The following ERAL1 variants were observed in gnomAD, a reference collection of about 807,000 sequenced individuals.
ERAL1 encodes GTPase Era, mitochondrial.
A neutral mutation model predicts 53.6 loss-of-function variants in ERAL1; 36 were observed. The observed-to-expected ratio is 0.67, with a 90% CI of 0.51 to 0.89. The LOEUF (loss-of-function observed/expected upper bound fraction) is 0.89, where lower values mean the gene tolerates loss of function less well. Among genes scored for constraint, ERAL1 ranks in the 40% least tolerant of loss-of-function variants. ERAL1 has a pLI of 0.00. For missense variants in ERAL1, 512 were observed against 537.5 expected, an observed-to-expected ratio of 0.95 and a Z score of 0.47; for synonymous variants, 215 against 211.8, an observed-to-expected ratio of 1.02 and a Z score of -0.13.
At chr17:28,857,826 T>C (rs771463120) in intron 3 of ERAL1, 113 bp from the exon 4 acceptor site, 2 of 1,180,296 alleles carry the variant, frequency 1.7e-6, no homozygotes, top group Non-Finnish European at 2.5e-6. Flanking sequence ...AAGTCAATAA[T>C]AGTTTGACTG....
At chr17:28,856,719 T>C (rs750504783) in intron 3 of ERAL1, 137 bp downstream of exon 3, 6 of 782,734 alleles carry the variant, frequency 7.7e-6, no homozygotes, top group Non-Finnish European at 1.0e-5. Context: ...TTTTTCTTTT[T>C]TTTTTTTTTT....
At chr17:28,859,788 C>T (rs1327725842) in intron 9 of ERAL1, among the ~76,000 whole-genome samples, 4 of 151,996 alleles carry the variant, frequency 2.6e-5, no homozygotes, top group Non-Finnish European at 4.4e-5. Context: ...TGTCCGCCCA[C>T]CTCAGCCTCC....
Position 28,859,191 on chromosome 17 carries a change from C to T in ERAL1, c.1111-12C>T. ...GGTGTATGACTGACTAATCATTTGT[C>T]TCCCTGTACAGAAGACAGCAGTGTG... On this transcript the variant is annotated splice_polypyrimidine_tract_variant and intron_variant, in intron 8 of 9. Transcript: ENST00000254928. 1.2e-6 allele frequency: 2 copies of T among 1,614,122 alleles called. No individual in the cohort carries two copies. Among genetic ancestry groups the T allele is most frequent in the Non-Finnish European group, 1.7e-6 (2 of 1,180,006 alleles).
At chr17:28,858,079 C>T (rs922422018) in intron 4 of ERAL1, 67 bp from the exon 5 acceptor site, 1 of 1,612,050 alleles carries the variant, frequency 6.2e-7, no homozygotes, top group Non-Finnish European at 8.5e-7. Flanking sequence ...CTTTACCATA[C>T]CACATCCCTC....
Position 28,859,131 on chromosome 17 carries a change from C to T in ERAL1, c.1110+18C>T. On this transcript the variant is annotated intron_variant, in intron 8 of 9. Transcript: ENST00000254928. ...TACAGCAGGTACAGAGTGAAGGGTTCTGGGGGCTCTCTATCAGACACACAC... is the reference window on the plus strand; with the variant it reads ...TACAGCAGGTACAGAGTGAAGGGTTTTGGGGGCTCTCTATCAGACACACAC... The T allele has an allele frequency of 9.3e-6, 15 of 1,614,132 alleles. No individual in the cohort carries two copies. Among genetic ancestry groups the T allele is most frequent in the Non-Finnish European group, 1.2e-5 (14 of 1,180,016 alleles).
intron 1 of ERAL1, 138 bp from the exon 2 acceptor site, chr17:28,856,126 C>T: frequency 1.1e-6 from 1 of 928,238 alleles, no homozygotes; most frequent in Non-Finnish European, 1.6e-6. Context: ...GGGCCAAAGT[C>T]TCAAAGTCAG....
intron 1 of ERAL1, 118 bp from the exon 2 acceptor site, chr17:28,856,146 A>C: frequency 1.7e-6 from 2 of 1,193,898 alleles, no homozygotes; most frequent in Non-Finnish European, 2.4e-6. Flanking sequence ...GCTCTAGGTG[A>C]CTTCAACCTG....
At chr17:28,856,708 C>CTT in intron 3 of ERAL1, 126 bp downstream of exon 3, 1 of 756,132 alleles carries the variant, frequency 1.3e-6, no homozygotes, top group South Asian at 1.8e-5. Context: ...GGTTTCTTTT[C>CTT]TTTTTCTTTT....
intron 5 of ERAL1, 71 bp from the exon 6 acceptor site, chr17:28,858,303 G>A: frequency 1.2e-6 from 2 of 1,608,712 alleles, no homozygotes; most frequent in Non-Finnish European, 1.7e-6. Context: ...CTCATACCAT[G>A]GAAGTTTTTG....
chr17:28,858,066 C>A (rs1403302439), intron 4 of ERAL1, 80 bp from the exon 5 acceptor site: 14 of 1,612,440 alleles, frequency 8.7e-6, no homozygotes, highest in Middle Eastern at 1.6e-4. Flanking sequence ...GGCTGGAAAA[C>A]CCCTTTACCA....
In ERAL1 at chr17:28,855,218, C is replaced by T. The variant is rs927210373; in HGVS notation, c.184C>T (p.Arg62Cys). Residue 62 changes from arginine (R) to cysteine (C), a missense_variant, in exon 1 of 10, where the codon CGC becomes TGC. Coordinates refer to ENST00000254928, the MANE Select transcript of ERAL1 (RefSeq NM_005702.4). ...FSGPRLASAS[R>C]SNGQGSALDH... ...TGGTCCCCGCTTGGCCTCGGCTTCT[C>T]GCAGTAATGGCCAGGGCTCTGCCCT... 6.2e-7 allele frequency: 1 copy of T among 1,614,244 alleles called. No homozygotes were observed.
At chr17:28,859,970 T>G (rs902231434) in intron 9 of ERAL1, among the ~76,000 whole-genome samples, 2 of 151,796 alleles carry the variant, frequency 1.3e-5, no homozygotes, top group African/African-American at 4.8e-5. Context: ...CCCTCTCTTT[T>G]TTTTATTTTT....
rs1474180031 is a variant in ERAL1, at chr17:28,858,977, C to CA, written c.975dup (p.Gln326ThrfsTer16). On this transcript the variant is annotated frameshift_variant, in exon 8 of 10. Coordinates refer to ENST00000254928, the MANE Select transcript of ERAL1 (RefSeq NM_005702.4). LOFTEE classifies it high-confidence loss of function. ...CTGTTCCCACAGCAATACCTTCTGA[C>CA]ACAGGCCCAGCCAGGGCCCTGGGAG... The CA allele has an allele frequency of 3.1e-6, 5 of 1,614,026 alleles. No homozygotes were observed. Among genetic ancestry groups the CA allele is most frequent in the Non-Finnish European group, 4.2e-6 (5 of 1,180,046 alleles).
Position 28,856,764 on chromosome 17 carries a change from T to C in ERAL1, c.489+182T>C, listed in dbSNP as rs1381995524. ...TCTCACTCTGTCTCCCAGGCTGGAG[T>C]GCAGTGACGCGATCTTGGCTCACTG... is the stretch of plus-strand genomic sequence containing the variant. On this transcript the variant is annotated intron_variant, in intron 3 of 9. Coordinates refer to ENST00000254928, the MANE Select transcript of ERAL1 (RefSeq NM_005702.4). 23 of 561,860 alleles carry C rather than the reference T, an allele frequency of 4.1e-5. 1 individual carries two copies. In the South Asian group the frequency reaches 4.5e-4, roughly 11 times the overall value. The allele number at this position is 561,860 out of a possible 1,614,324, so 34.8% of individuals were successfully genotyped here. A position where few individuals can be genotyped will look rare whatever the true frequency, so the allele number is the denominator to read the frequency against.
intron 3 of ERAL1, among the ~76,000 whole-genome samples, 153 bp from the exon 4 acceptor site, chr17:28,857,786 C>T (rs889458293): frequency 3.9e-5 from 6 of 151,962 alleles, no homozygotes; most frequent in Non-Finnish European, 5.9e-5. Flanking sequence ...AGTGAGACTC[C>T]GTCTCAGAAA....
At chr17:28,859,173 G>T in intron 8 of ERAL1, 30 bp from the exon 9 acceptor site, 1 of 1,614,154 alleles carries the variant, frequency 6.2e-7, no homozygotes, top group South Asian at 1.1e-5. Context: ...CCAGGTGTAT[G>T]ACTGACTAAT....
Position 28,859,245 on chromosome 17 carries a change from A to C in ERAL1, c.1153A>C (p.Ile385Leu), listed in dbSNP as rs540938776. Residue 385 changes from isoleucine (I) to leucine (L), a missense_variant, in exon 9 of 10, where the codon ATC becomes CTC. Coordinates refer to ENST00000254928, the MANE Select transcript of ERAL1 (RefSeq NM_005702.4). Reference protein sequence around the residue: ...WEEGPGGELVIQQKLLVPKES... With the variant: ...WEEGPGGELVLQQKLLVPKES... ...GGAAGGACCAGGTGGGGAGCTGGTT[A>C]TCCAACAGAAGCTTCTGGTGCCCAA... 2.7e-5 allele frequency: 44 copies of C among 1,614,212 alleles called. 1 individual carries two copies. In the South Asian group the frequency reaches 4.6e-4, roughly 17 times the overall value.
intron 9 of ERAL1, 147 bp from the exon 10 acceptor site, chr17:28,860,284 C>CT (rs2039292055): frequency 1.8e-4 from 157 of 895,252 alleles, no homozygotes; most frequent in Non-Finnish European, 1.9e-4. Context: ...GCCACCCTCT[C>CT]TTTTTTTTAA....
Position 28,856,542 on chromosome 17 carries a change from G to A in ERAL1, c.449G>A (p.Cys150Tyr). Reference sequence around the variant, plus strand: ...TCCAGGAAGGTGCATACTACTCGCTGCCAAGCTCTGGGGGTCATCACAGAG... The same window carrying A: ...TCCAGGAAGGTGCATACTACTCGCTACCAAGCTCTGGGGGTCATCACAGAG... ...PVSRKVHTTR[C>Y]QALGVITEKE... is the part of the protein sequence containing the mutation. Residue 150 changes from cysteine (C) to tyrosine (Y), a missense_variant, in exon 3 of 10, where the codon TGC (cysteine) becomes TAC (tyrosine). Coordinates refer to ENST00000254928, the MANE Select transcript of ERAL1 (RefSeq NM_005702.4). The A allele has an allele frequency of 6.2e-7, 1 of 1,613,950 alleles. No individual in the cohort carries two copies. Among genetic ancestry groups the A allele is most frequent in the East Asian group, 2.2e-5 (1 of 44,878 alleles).
Sources: allele counts gnomAD v4.1 joint callset (sites outside exome capture counted in the v4.1 genomes callset), GRCh38; gene constraint gnomAD v4.1.1; transcripts MANE v1.5; gene names NCBI Gene and HGNC (gene_info 2026-07-23, HGNC 2026-07-21).